Variants in ROBO1 observed in about 807,000 individuals in gnomAD.
ROBO1 encodes roundabout guidance receptor 1, also known as roundabout homolog 1.
A neutral mutation model predicts 195.9 loss-of-function variants in ROBO1; 149 were observed. That is an observed-to-expected ratio of 0.76 (90% CI 0.67 to 0.87). ROBO1 has a LOEUF of 0.87. Among genes scored for constraint, ROBO1 ranks in the 40% least tolerant of loss-of-function variants. The probability of loss-of-function intolerance (pLI) is 0.00; values close to 1 mark genes in which losing one functional copy is unlikely to be tolerated. For synonymous variants in ROBO1, 816 were observed against 733.2 expected, an observed-to-expected ratio of 1.11 and a Z score of -1.82; for missense variants, 1,933 against 2,068.3, an observed-to-expected ratio of 0.93 and a Z score of 1.27.
intron 2 of ROBO1, among the ~76,000 whole-genome samples, chr3:79,294,283 G>A (rs2032450147): frequency 6.6e-6 from 1 of 152,016 alleles, no homozygotes; most frequent in Non-Finnish European, 1.5e-5. Context: ...AGACGCCTCA[G>A]AAATAATGCC....
At chr3:79,148,550 G>A (rs906771956) in intron 2 of ROBO1, among the ~76,000 whole-genome samples, 1 of 151,798 alleles carries the variant, frequency 6.6e-6, no homozygotes, top group Non-Finnish European at 1.5e-5. Flanking sequence ...AAATGATTTA[G>A]GCATGATAGG....
intron 3 of ROBO1, among the ~76,000 whole-genome samples, chr3:79,038,241 C>T (rs1242097109): frequency 6.6e-6 from 1 of 152,172 alleles, no homozygotes; most frequent in African/African-American, 2.4e-5. Flanking sequence ...TTGGCACATG[C>T]TCCAGGAAGA....
chr3:78,745,046 A>T (rs988085699), intron 5 of ROBO1, among the ~76,000 whole-genome samples: 3 of 152,150 alleles, frequency 2.0e-5, no homozygotes, highest in Non-Finnish European at 2.9e-5. Flanking sequence ...GTGGTGGCTC[A>T]TGCCTGTAAT....
intron 24 of ROBO1, among the ~76,000 whole-genome samples, 156 bp from the exon 25 acceptor site, chr3:78,631,461 C>T (rs747531970): frequency 2.6e-5 from 4 of 151,944 alleles, no homozygotes; most frequent in Admixed American, 1.3e-4. Context: ...GAACTTTGTA[C>T]AAGAGAACAT....
At chr3:78,638,785 G>C (rs1167672778) in intron 22 of ROBO1, among the ~76,000 whole-genome samples, 1 of 151,728 alleles carries the variant, frequency 6.6e-6, no homozygotes, top group African/African-American at 2.4e-5. Context: ...GAGGTGAGAG[G>C]ATTAGTTGAG....
intron 4 of ROBO1, among the ~76,000 whole-genome samples, chr3:78,839,869 T>TTG (rs2033055708): frequency 2.0e-5 from 3 of 152,156 alleles, no homozygotes; most frequent in African/African-American, 4.8e-5. Context: ...GCAGATAAAA[T>TTG]GGTTCTGAAT....
rs754655891 is a variant in ROBO1, at chr3:78,661,238, T to C, written c.2112A>G (p.Ile704Met). Residue 704 changes from isoleucine (I) to methionine (M), a missense_variant, in exon 16 of 31, where the codon ATA becomes ATG. This residue lies in a region of ROBO1 where 1,737 missense variants were observed against 1,882.5 expected (regional missense o/e 0.92). Transcript: ENST00000464233. The part of the protein sequence containing the change: ...HWTVDQQSQY[I>M]QGYKILYRPS... ...GCCGATAGAGAATTTTATATCCTTG[T>C]ATATACTGAGACTGTTGATCTACCT... is the stretch of plus-strand genomic sequence containing the variant. The C allele has an allele frequency of 1.2e-6, 2 of 1,602,410 alleles. No individual in the cohort carries two copies. The highest frequency in any genetic ancestry group is 1.7e-5 in the Admixed American group (1 of 58,944).
chr3:79,260,148 A>G (rs1292154786), intron 2 of ROBO1, among the ~76,000 whole-genome samples: 1 of 151,784 alleles, frequency 6.6e-6, no homozygotes, highest in Non-Finnish European at 1.5e-5. Context: ...AATGTTATTG[A>G]AAGTCAGCTA....
intron 2 of ROBO1, among the ~76,000 whole-genome samples, chr3:79,394,606 T>G (rs1042260039): frequency 6.6e-6 from 1 of 152,042 alleles, no homozygotes; most frequent in Non-Finnish European, 1.5e-5. Flanking sequence ...TAGGAAGATA[T>G]AAGAGTATTG....
intron 5 of ROBO1, among the ~76,000 whole-genome samples, 170 bp downstream of exon 5, chr3:78,746,573 T>G (rs2082661869): frequency 6.6e-6 from 1 of 152,200 alleles, no homozygotes; most frequent in South Asian, 2.1e-4. Flanking sequence ...CTTACTTTCA[T>G]GTCAACACAG....
chr3:78,957,951 C>T (rs2041131817), intron 3 of ROBO1, among the ~76,000 whole-genome samples: 1 of 152,120 alleles, frequency 6.6e-6, no homozygotes, highest in Admixed American at 6.6e-5. Context: ...CCTGTAATAA[C>T]TGATATATCT....
chr3:79,052,459 T>C (rs2078719445), intron 3 of ROBO1, among the ~76,000 whole-genome samples: 1 of 152,114 alleles, frequency 6.6e-6, no homozygotes, highest in South Asian at 2.1e-4. Context: ...GTGATCTCAC[T>C]CTGCCTCTCT....
chr3:78,863,098 C>T lies in ROBO1; in HGVS notation c.499+75503G>A, dbSNP rs1419873531. The stretch of plus-strand genomic sequence containing the variant: ...ACGGAAAGTCATTATTGAGTACTTA[C>T]TCTGAACCAGGCAATGTTCTGTATG... On this transcript the variant is annotated intron_variant, in intron 4 of 30. Coordinates refer to ENST00000464233, the MANE Select transcript of ROBO1 (RefSeq NM_002941.4). Among the ~76,000 whole-genome samples the T allele has an allele frequency of 2.6e-5, 4 of 152,148 alleles. No individual in the cohort carries two copies. The South Asian group carries it at 6.2e-4, about 24-fold the overall frequency.
intron 2 of ROBO1, among the ~76,000 whole-genome samples, chr3:79,330,585 T>C (rs1431072582): frequency 1.3e-5 from 2 of 151,082 alleles, no homozygotes; most frequent in Non-Finnish European, 2.9e-5. Flanking sequence ...TATGGCTACT[T>C]TCATCCTGTA....
chr3:78,798,703 C>T (rs2084259425), intron 4 of ROBO1, among the ~76,000 whole-genome samples: 1 of 152,146 alleles, frequency 6.6e-6, no homozygotes, highest in African/African-American at 2.4e-5. Context: ...CATATAGGAA[C>T]ACAGACATGT....
At chr3:78,691,153 C>T (rs1857974) in intron 8 of ROBO1, among the ~76,000 whole-genome samples, 147,180 of 152,210 alleles carry the variant, frequency 0.97, 71,181 homozygotes, top group African/African-American at 0.99. Context: ...AGAAAAAATA[C>T]GTAATGGCCT....
At chr3:79,235,923 T>C (rs2082399260) in intron 2 of ROBO1, among the ~76,000 whole-genome samples, 1 of 152,160 alleles carries the variant, frequency 6.6e-6, no homozygotes, top group Non-Finnish European at 1.5e-5. Context: ...TTAGAGTTAA[T>C]GAAAATAATG....
intron 2 of ROBO1, among the ~76,000 whole-genome samples, chr3:79,316,165 C>A (rs955628236): frequency 5.3e-5 from 8 of 152,084 alleles, no homozygotes; most frequent in African/African-American, 1.7e-4. Flanking sequence ...ATGAGACAAC[C>A]TAGCAATAAG....
At chr3:79,062,151 C>G (rs546548619) in intron 3 of ROBO1, among the ~76,000 whole-genome samples, 1 of 151,506 alleles carries the variant, frequency 6.6e-6, no homozygotes, top group Non-Finnish European at 1.5e-5. Flanking sequence ...AATAAATTAA[C>G]GAGAAAAAAA....
Sources: gnomAD v4.1 joint callset for allele counts (sites outside exome capture counted in the v4.1 genomes callset) on GRCh38, gnomAD v4.1.1 for gene constraint, gnomAD v4.1.1 regional missense constraint, MANE v1.5 for transcripts, NCBI Gene and HGNC (gene_info 2026-07-23, HGNC 2026-07-21) for gene names.